IFT172: variants seen among roughly 807,000 people sequenced by gnomAD.
The protein encoded by IFT172 is intraflagellar transport protein 172 homolog.
IFT172 carries 164 observed loss-of-function variants against 248.9 expected under a neutral mutation model. That is an observed-to-expected ratio of 0.66 (90% CI 0.58 to 0.75). The LOEUF is 0.75. Among genes scored for constraint, IFT172 ranks in the 30% least tolerant of loss-of-function variants. The pLI is 0.00. For missense variants in IFT172, 1,950 were observed against 2,192.4 expected, an observed-to-expected ratio of 0.89 and a Z score of 2.21; for synonymous variants, 729 against 791.6, an observed-to-expected ratio of 0.92 and a Z score of 1.33.
At position 27,458,835 on chromosome 2, in the gene IFT172, T is replaced by C. The variant is rs1387697027; in HGVS notation, c.2821A>G (p.Thr941Ala). Residue 941 changes from threonine to alanine, a missense_variant, in exon 26 of 48, where the codon ACA (threonine) becomes GCA (alanine). Around this residue, in one of 3 missense-constraint regions of IFT172, gnomAD observed 1,166 missense variants for 1,254.1 expected, o/e 0.93. Transcript: ENST00000260570. Reference sequence around the variant, plus strand: ...GTGTACATGTCTATGGCATCTTTTGTCCGATCTCCCTTAGTATAGAGCTCC... The same window carrying C: ...GTGTACATGTCTATGGCATCTTTTGCCCGATCTCCCTTAGTATAGAGCTCC... Reference protein sequence around the residue: ...AEELYTKGDRTKDAIDMYTQA... With the variant: ...AEELYTKGDRAKDAIDMYTQA... 4 of 1,614,050 alleles carry C rather than the reference T, an allele frequency of 2.5e-6. No individual in the cohort carries two copies. In the Admixed American group the frequency reaches 5.0e-5, roughly 20 times the overall value.
chr2:27,480,209 G>A lies in IFT172; in HGVS notation c.786-60C>T, dbSNP rs564641991. On this transcript the variant is annotated intron_variant, in intron 8 of 47. Transcript: ENST00000260570. ...AGGCTGAGCTAAAGAGTGCAAATGGGCTGATAACCAAAGGAAATTAGTCTT... is the reference window on the plus strand; with the variant it reads ...AGGCTGAGCTAAAGAGTGCAAATGGACTGATAACCAAAGGAAATTAGTCTT... The A allele has an allele frequency of 4.6e-6, 7 of 1,535,978 alleles. No homozygotes were observed. The African/African-American group carries it at 5.5e-5, about 12-fold the overall frequency.
chr2:27,475,941 A>C (rs1474856961), intron 14 of IFT172, among the ~76,000 whole-genome samples: 3 of 151,996 alleles, frequency 2.0e-5, no homozygotes, highest in Non-Finnish European at 4.4e-5. Context: ...CCAGAGCCCC[A>C]TTTTTAACAG....
At chr2:27,472,885 A>C (rs1184988127) in intron 14 of IFT172, among the ~76,000 whole-genome samples, 1 of 152,178 alleles carries the variant, frequency 6.6e-6, no homozygotes, top group African/African-American at 2.4e-5. Flanking sequence ...TTTAGAGCAG[A>C]CCAATTAGGG....
chr2:27,465,697 C>A (rs1382313708), intron 17 of IFT172, 49 bp downstream of exon 17: 1 of 1,611,900 alleles, frequency 6.2e-7, no homozygotes, highest in Non-Finnish European at 8.5e-7. Flanking sequence ...CCTCCCCTCT[C>A]AGAACCAGAC....
intron 35 of IFT172, chr2:27,453,059 T>G (rs1050352754): frequency 9.0e-5 from 35 of 390,668 alleles, no homozygotes; most frequent in Non-Finnish European, 1.2e-4. Flanking sequence ...AGAGCCTTCC[T>G]GACCCCTCTA....
In IFT172 at chr2:27,476,729, G is replaced by C; in HGVS notation, c.1326-3C>G. On this transcript the variant is annotated splice_polypyrimidine_tract_variant and splice_region_variant and intron_variant, in intron 13 of 47. Transcript: ENST00000260570. ...GACACCTCTCATTAATACGAACACT[G>C]AAACATGAAGGGTGAGGTAAGGCAA... is the stretch of plus-strand genomic sequence containing the variant. 1 of 1,609,050 alleles carries C rather than the reference G, an allele frequency of 6.2e-7. No individual in the cohort carries two copies. Among genetic ancestry groups the C allele is most frequent in the Non-Finnish European group, 8.5e-7 (1 of 1,175,706 alleles).
chr2:27,468,780 CA>C (rs1322435225), intron 16 of IFT172, among the ~76,000 whole-genome samples: 3 of 147,370 alleles, frequency 2.0e-5, no homozygotes, highest in African/African-American at 5.0e-5. Flanking sequence ...ACCCAGGAGG[CA>C]GAGGTTGCAG....
At chr2:27,473,969 G>A (rs1006444144) in intron 14 of IFT172, among the ~76,000 whole-genome samples, 6 of 151,864 alleles carry the variant, frequency 4.0e-5, no homozygotes, top group Non-Finnish European at 5.9e-5. Flanking sequence ...CACCATGCCC[G>A]GCTAATTTTT....
chr2:27,456,072 C>T (rs759728175), intron 30 of IFT172, among the ~76,000 whole-genome samples: 28 of 151,978 alleles, frequency 1.8e-4, no homozygotes, highest in Non-Finnish European at 1.9e-4. Flanking sequence ...ATTAGATGGG[C>T]GTGGTGGTGC....
chr2:27,461,138 G>A, intron 22 of IFT172, 45 bp from the exon 23 acceptor site: 1 of 1,613,870 alleles, frequency 6.2e-7, no homozygotes, highest in Non-Finnish European at 8.5e-7. Flanking sequence ...ACAACACAAA[G>A]AACTAAGTAT....
intron 9 of IFT172, 65 bp from the exon 10 acceptor site, chr2:27,479,669 A>G (rs2148547120): frequency 9.6e-7 from 1 of 1,040,938 alleles, no homozygotes; most frequent in Non-Finnish European, 1.5e-6. Flanking sequence ...GAGAGTATCT[A>G]GAGACATCCT....
intron 14 of IFT172, among the ~76,000 whole-genome samples, chr2:27,473,172 G>T (rs1157942250): frequency 6.6e-6 from 1 of 151,572 alleles, no homozygotes; most frequent in Non-Finnish European, 1.5e-5. Flanking sequence ...TTGGAGACCA[G>T]CCTGGCCAAC....
rs1668059594 is a variant in IFT172 at position 27,477,624 on chromosome 2, G to A, written c.1168-12C>T. On this transcript the variant is annotated splice_polypyrimidine_tract_variant and intron_variant, in intron 11 of 47. Transcript: ENST00000260570. Reference sequence around the variant, plus strand: ...CCTTGCCAGGCTATCTGTAACGGGAGAAGACTTAAGAAGCAATGTGGATAA... The same window carrying A: ...CCTTGCCAGGCTATCTGTAACGGGAAAAGACTTAAGAAGCAATGTGGATAA... 5 of 1,574,222 alleles carry A rather than the reference G, an allele frequency of 3.2e-6. No individual in the cohort carries two copies. In the South Asian group the frequency reaches 5.5e-5, roughly 17 times the overall value.
At chr2:27,446,504 T>G in intron 42 of IFT172, 149 bp from the exon 43 acceptor site, 1 of 648,248 alleles carries the variant, frequency 1.5e-6, no homozygotes, top group Non-Finnish European at 2.6e-6. Context: ...CTTAGTTTTT[T>G]TTTTCTTTTT....
At chr2:27,477,893 T>C (rs1256867470) in intron 11 of IFT172, 102 bp downstream of exon 11, 2 of 1,443,492 alleles carry the variant, frequency 1.4e-6, no homozygotes, top group African/African-American at 1.4e-5. Context: ...ACCAGAATGT[T>C]AGAACTTCTC....
chr2:27,450,630 G>A (rs1014938158), intron 35 of IFT172, among the ~76,000 whole-genome samples: 3 of 152,014 alleles, frequency 2.0e-5, no homozygotes, highest in African/African-American at 4.8e-5. Flanking sequence ...TTGCTATGTC[G>A]CCCAGGCTGG....
In IFT172 at chr2:27,483,640, T is replaced by G. The variant is rs752403521; in HGVS notation, c.422A>C (p.Lys141Thr). ...AEGKVRLANT[K>T]TNKSSTIYGT... ...ATAGATGGTAGATGATTTATTAGTT[T>G]TGGTGTTTGCTAAACGAACCTGAAA... Residue 141 changes from lysine (K) to threonine (T), a missense_variant, in exon 6 of 48, where the codon AAA becomes ACA. This residue lies in a region of IFT172 where 1,166 missense variants were observed against 1,254.1 expected (regional missense o/e 0.93). Transcript: ENST00000260570. 1.2e-6 allele frequency: 2 copies of G among 1,614,204 alleles called. No individual in the cohort carries two copies. The highest frequency in any genetic ancestry group is 2.2e-5 in the South Asian group (2 of 91,078).
At chr2:27,463,619 C>T (rs1406227822) in intron 18 of IFT172, among the ~76,000 whole-genome samples, 6 of 148,914 alleles carry the variant, frequency 4.0e-5, no homozygotes, top group African/African-American at 1.5e-4. Flanking sequence ...TCCGATGTGG[C>T]TCAGGGAAGC....
At position 27,461,324 on chromosome 2, in the gene IFT172, G is replaced by C. The variant is rs1666646404; in HGVS notation, c.2387C>G (p.Thr796Arg). 6.2e-7 allele frequency: 1 copy of C among 1,614,050 alleles called. No individual in the cohort carries two copies. Among genetic ancestry groups the C allele is most frequent in the African/African-American group, 1.3e-5 (1 of 74,904 alleles). Residue 796 changes from threonine (T) to arginine (R), a missense_variant, in exon 22 of 48, where the codon ACA (threonine) becomes AGA (arginine). Thr to Arg is a moderately conservative substitution (Grantham distance 71). Around this residue, in one of 3 missense-constraint regions of IFT172, gnomAD observed 1,166 missense variants for 1,254.1 expected, o/e 0.93. Coordinates refer to ENST00000260570, the MANE Select transcript of IFT172 (RefSeq NM_015662.3). ...VLTREELLAN[T>R]ELVEHITAAL... The stretch of plus-strand genomic sequence containing the variant: ...TGCAGTGATGTGTTCTACCAGCTCT[G>C]TGTTGGCTAGCAGTTCCTCTCGGGT...
Sources: allele counts gnomAD v4.1 joint callset (sites outside exome capture counted in the v4.1 genomes callset), GRCh38; gene constraint gnomAD v4.1.1; regional missense constraint gnomAD v4.1.1; transcripts MANE v1.5; gene names NCBI Gene and HGNC (gene_info 2026-07-23, HGNC 2026-07-21).